SORBS2: variants seen among roughly 807,000 people sequenced by gnomAD.
SORBS2 encodes sorbin and SH3 domain-containing protein 2.
Under a neutral mutation model 97.7 loss-of-function variants are expected in SORBS2, and 46 were observed. The observed-to-expected ratio is 0.47, with a 90% confidence interval of 0.37 to 0.60. The LOEUF (loss-of-function observed/expected upper bound fraction) is 0.60. Among genes scored for constraint, SORBS2 ranks in the 20% least tolerant of loss-of-function variants. The pLI, the probability that SORBS2 is intolerant of heterozygous loss-of-function variation, is 0.00. For missense variants in SORBS2, 1,316 were observed against 1,282.3 expected (o/e 1.03, Z -0.40); for synonymous variants, 476 against 473.4 (o/e 1.01, Z -0.07).
At position 185,768,302 on chromosome 4, in the gene SORBS2, C is replaced by T. The variant is rs1007722622; in HGVS notation, c.-198+6925G>A. Among the ~76,000 whole-genome samples, 18 of 152,248 alleles carry T rather than the reference C, an allele frequency of 1.2e-4. No homozygotes were observed. The South Asian group carries it at 1.5e-3, about 12-fold the overall frequency. On this transcript the variant is annotated intron_variant, in intron 2 of 20. Coordinates refer to the SORBS2 transcript ENST00000284776. The stretch of plus-strand genomic sequence containing the variant: ...TTTTAAATAATGCACAATGTTCTCA[C>T]GTCTATTTAAGGAAGAAACAACTGA...
chr4:185,812,540 C>A (rs2099188587), intron 1 of SORBS2, among the ~76,000 whole-genome samples: 1 of 152,184 alleles, frequency 6.6e-6, no homozygotes. Context: ...TAATAACATG[C>A]AAATCACTTA....
intron 4 of SORBS2, among the ~76,000 whole-genome samples, chr4:185,671,985 C>T (rs1385217319): frequency 6.6e-6 from 1 of 152,242 alleles, no homozygotes; most frequent in Non-Finnish European, 1.5e-5. Context: ...CATGCATATG[C>T]ATGCGCATGC....
In SORBS2 at chr4:185,623,942, G is replaced by A; in HGVS notation, c.1187C>T (p.Ala396Val). The change falls in exon 7 of 15, where the codon GCC (alanine) becomes GTC (valine). Residue 396 changes from alanine (A) to valine (V), a missense_variant. Ala to Val is a moderately conservative substitution (Grantham distance 64). Coordinates refer to ENST00000418609, the Ensembl canonical transcript of SORBS2. This position sits in a 1 kb window ranked among gnomAD's most constrained non-coding sequence, Gnocchi z 6.4. ...CTCCTCCGTGGAGCACTGGCTCCAG[G>A]CGCGCAGCAGGTCCTTGTGCTGCTG... 6.2e-7 allele frequency: 1 copy of A among 1,614,208 alleles called. No homozygotes were observed. The highest frequency in any genetic ancestry group is 1.1e-5 in the South Asian group (1 of 91,078).
intron 1 of SORBS2, among the ~76,000 whole-genome samples, chr4:185,855,338 C>A (rs911987587): frequency 1.3e-5 from 2 of 152,152 alleles, no homozygotes; most frequent in African/African-American, 2.4e-5. Context: ...CCAGTACATA[C>A]GTGGACACAC....
chr4:185,760,235 T>C (rs1031591178), intron 2 of SORBS2, among the ~76,000 whole-genome samples: 4 of 152,302 alleles, frequency 2.6e-5, no homozygotes, highest in South Asian at 4.1e-4. Context: ...TGGCCAAATA[T>C]GAGGAAAGAA....
chr4:185,926,694 T>C (rs1052555301), intron 1 of SORBS2, among the ~76,000 whole-genome samples: 4 of 152,126 alleles, frequency 2.6e-5, no homozygotes, highest in African/African-American at 9.7e-5. Context: ...TCCTTATAGA[T>C]TTACCTTTGC....
intron 4 of SORBS2, among the ~76,000 whole-genome samples, chr4:185,632,577 A>G (rs1268794788): frequency 6.6e-6 from 1 of 152,258 alleles, no homozygotes; most frequent in African/African-American, 2.4e-5. Context: ...CAGAAGAGCG[A>G]CACTGAAGAG....
At chr4:185,815,587 CA>C (rs1198145694) in intron 1 of SORBS2, among the ~76,000 whole-genome samples, 2 of 151,916 alleles carry the variant, frequency 1.3e-5, no homozygotes, top group African/African-American at 4.8e-5. Flanking sequence ...GATTTTCAAA[CA>C]AATATATTAT....
intron 1 of SORBS2, among the ~76,000 whole-genome samples, chr4:185,877,998 T>G (rs184199211): frequency 6.6e-6 from 1 of 152,084 alleles, no homozygotes; most frequent in African/African-American, 2.4e-5. Context: ...TATTTCCAGT[T>G]AAAATCAGGA....
At chr4:185,705,635 G>GT (rs1309607407) in intron 2 of SORBS2, among the ~76,000 whole-genome samples, 2 of 152,042 alleles carry the variant, frequency 1.3e-5, no homozygotes, top group Non-Finnish European at 2.9e-5. Flanking sequence ...GGGGTTTTCC[G>GT]TTTTTTCACT....
At chr4:185,865,857 TTTTAA>T (rs1177144030) in intron 1 of SORBS2, among the ~76,000 whole-genome samples, 7 of 138,340 alleles carry the variant, frequency 5.1e-5, no homozygotes, top group African/African-American at 1.8e-4. Flanking sequence ...TAAACATGCC[TTTTAA>T]TTTATCTTAC....
chr4:185,587,434 G>C, exon 15 of SORBS2: 1 of 596,114 alleles, frequency 1.7e-6, no homozygotes, highest in Non-Finnish European at 3.0e-6. Context: ...CACGGAGGGG[G>C]ACCAGCCTGC....
At chr4:185,685,769 C>T (rs867632910) in intron 2 of SORBS2, among the ~76,000 whole-genome samples, 2 of 152,190 alleles carry the variant, frequency 1.3e-5, no homozygotes, top group African/African-American at 4.8e-5. Context: ...GGGCTCTTTC[C>T]GCCTCGGCCT....
chr4:185,641,874 A>G (rs546286790), intron 4 of SORBS2, among the ~76,000 whole-genome samples: 3 of 152,202 alleles, frequency 2.0e-5, no homozygotes, highest in South Asian at 2.1e-4. Context: ...AGTGATCCTT[A>G]CTTAAAAGCT....
chr4:185,884,423 T>G (rs1287961549), intron 1 of SORBS2, among the ~76,000 whole-genome samples: 1 of 152,220 alleles, frequency 6.6e-6, no homozygotes, highest in African/African-American at 2.4e-5. Context: ...TTTCTGTATT[T>G]CTTGATTTTT....
At chr4:185,690,280 A>T (rs762270703) in intron 2 of SORBS2, among the ~76,000 whole-genome samples, 4 of 152,236 alleles carry the variant, frequency 2.6e-5, no homozygotes, top group Admixed American at 6.5e-5. Flanking sequence ...GTACACAAAC[A>T]AACGACATAC....
At chr4:185,786,286 A>G (rs2099056015) in intron 1 of SORBS2, among the ~76,000 whole-genome samples, 1 of 152,158 alleles carries the variant, frequency 6.6e-6, no homozygotes, top group South Asian at 2.1e-4. Context: ...CAGCATTACC[A>G]CTGCTTCATT....
intron 2 of SORBS2, among the ~76,000 whole-genome samples, chr4:185,742,462 T>C (rs1427923613): frequency 6.6e-6 from 1 of 152,164 alleles, no homozygotes; most frequent in Non-Finnish European, 1.5e-5. Context: ...TAAATATCCA[T>C]CGAGCACCTA....
At chr4:185,933,674 C>T (rs1291388792) in intron 1 of SORBS2, among the ~76,000 whole-genome samples, 1 of 152,030 alleles carries the variant, frequency 6.6e-6, no homozygotes, top group Non-Finnish European at 1.5e-5. Context: ...AACAAGGACA[C>T]CACTTATATT....
Sources: allele counts gnomAD v4.1 joint callset (sites outside exome capture counted in the v4.1 genomes callset), GRCh38; gene constraint gnomAD v4.1.1; non-coding constraint Gnocchi (gnomAD v3.1); transcripts MANE v1.5; gene names NCBI Gene and HGNC (gene_info 2026-07-23, HGNC 2026-07-21).